Variants in XPNPEP3 observed in about 807,000 individuals in gnomAD.
The protein encoded by XPNPEP3 is X-prolyl aminopeptidase 3.
In XPNPEP3, 41 loss-of-function variants were observed where a neutral mutation model predicts 60.0. The observed-to-expected ratio is 0.68, with a 90% confidence interval of 0.53 to 0.89. The LOEUF is 0.89. XPNPEP3 is among the 40% of genes least tolerant of loss of function. The pLI, the probability that XPNPEP3 is intolerant of heterozygous loss-of-function variation, is 0.00. For synonymous variants in XPNPEP3, 212 were observed against 223.2 expected, an observed-to-expected ratio of 0.95 and a Z score of 0.45; for missense variants, 598 against 638.9, an observed-to-expected ratio of 0.94 and a Z score of 0.69.
At position 40,918,791 on chromosome 22, in the gene XPNPEP3, T is replaced by G. The variant is rs569335589; in HGVS notation, c.1056-3542T>G. On this transcript the variant is annotated intron_variant, in intron 7 of 9. Transcript: ENST00000357137. ...CTGCCAAGTTTTGGTGGGTTTTTTT[T>G]TTGTTGTTGTTGTTGTTTTATCTGA... Among the ~76,000 whole-genome samples the G allele has an allele frequency of 2.7e-3, 408 of 151,522 alleles. 2 individuals are homozygous for G. Among genetic ancestry groups the G allele is most frequent in the African/African-American group, 8.5e-3 (353 of 41,426 alleles).
At chr22:40,914,431 G>A in intron 7 of XPNPEP3, 107 bp downstream of exon 7, 2 of 931,658 alleles carry the variant, frequency 2.1e-6, no homozygotes, top group Non-Finnish European at 3.4e-6. Flanking sequence ...GTCCATTCCT[G>A]GTCAAGTTAG....
chr22:40,898,225 A>ATTTTTTTTTT lies in XPNPEP3; in HGVS notation c.793-9332_793-9323dup, dbSNP rs71200626. Among the ~76,000 whole-genome samples, 20 of 28,784 alleles carry ATTTTTTTTTT rather than the reference A, an allele frequency of 6.9e-4. 6 individuals carry two copies. Among genetic ancestry groups the ATTTTTTTTTT allele is most frequent in the African/African-American group, 1.1e-3 (7 of 6,278 alleles). 18.9% of individuals were successfully genotyped at this position (28,784 alleles called of 152,430 possible). A position where few individuals can be genotyped will look rare whatever the true frequency, so the allele number is the denominator to read the frequency against. ...TGTTTTATGTTTAGGTCTTTGACCC[A>ATTTTTTTTTT]TTTTTTTTTTTTTTTTTTTTTTTTT... On this transcript the variant is annotated intron_variant, in intron 4 of 9. Coordinates refer to ENST00000357137, the MANE Select transcript of XPNPEP3 (RefSeq NM_022098.4).
At position 40,930,053 on chromosome 22, in the gene XPNPEP3, A is replaced by C. The variant is rs747079119; in HGVS notation, c.*3618A>C. 6.6e-6 allele frequency: 1 copy of C among 151,856 alleles called. No individual in the cohort carries two copies. The allele number at this position is 151,856 out of a possible 1,614,324, so 9.4% of individuals were successfully genotyped here. A position where few individuals can be genotyped will look rare whatever the true frequency, so the allele number is the denominator to read the frequency against. Reference sequence around the variant, plus strand: ...ATAAACTTCTAAGGGTAAAAAGTGAATAAGATAAATTCAGAGTTTTAAGGT... The same window carrying C: ...ATAAACTTCTAAGGGTAAAAAGTGACTAAGATAAATTCAGAGTTTTAAGGT... On this transcript the variant is annotated 3_prime_UTR_variant, in exon 10 of 10. Coordinates refer to ENST00000357137, the MANE Select transcript of XPNPEP3 (RefSeq NM_022098.4).
At chr22:40,901,515 G>A (rs925512228) in intron 4 of XPNPEP3, among the ~76,000 whole-genome samples, 99 of 152,228 alleles carry the variant, frequency 6.5e-4, no homozygotes, top group African/African-American at 2.2e-3. Context: ...AATTACAGGC[G>A]TGAGCCACCA....
chr22:40,901,365 G>C (rs371904373), intron 4 of XPNPEP3, among the ~76,000 whole-genome samples: 15 of 150,836 alleles, frequency 9.9e-5, no homozygotes, highest in East Asian at 7.8e-4. Context: ...CTCCCAAGTA[G>C]CTGGGAATAC....
intron 1 of XPNPEP3, chr22:40,861,705 A>G: frequency 6.2e-7 from 1 of 1,614,124 alleles, no homozygotes; most frequent in Non-Finnish European, 8.5e-7. Context: ...AATTTCTTTA[A>G]AAACATCATC....
At chr22:40,922,544 A>G (rs2146280899) in intron 8 of XPNPEP3, 31 bp downstream of exon 8, 6 of 1,611,636 alleles carry the variant, frequency 3.7e-6, no homozygotes, top group Non-Finnish European at 5.1e-6. Flanking sequence ...CCAGTTCTCA[A>G]GAACACCTAG....
intron 4 of XPNPEP3, among the ~76,000 whole-genome samples, chr22:40,891,316 T>G (rs957657380): frequency 6.8e-5 from 10 of 147,100 alleles, no homozygotes; most frequent in African/African-American, 2.5e-4. Flanking sequence ...GCCACGATCA[T>G]GCCACTGCAC....
At chr22:40,885,693 T>C (rs2058065849) in intron 3 of XPNPEP3, among the ~76,000 whole-genome samples, 1 of 152,156 alleles carries the variant, frequency 6.6e-6, no homozygotes, top group Non-Finnish European at 1.5e-5. Context: ...TCTAATTGTT[T>C]AATAATGAAG....
chr22:40,900,884 G>A (rs2146264815), intron 4 of XPNPEP3, among the ~76,000 whole-genome samples: 2 of 152,214 alleles, frequency 1.3e-5, no homozygotes, highest in East Asian at 3.9e-4. Flanking sequence ...AGTGAGCCAA[G>A]ATCACAGCAC....
chr22:40,908,180 C>G (rs937233820), intron 5 of XPNPEP3, among the ~76,000 whole-genome samples: 1 of 151,264 alleles, frequency 6.6e-6, no homozygotes, highest in Non-Finnish European at 1.5e-5. Flanking sequence ...TGCCACTGCA[C>G]TGCACTCTAG....
intron 6 of XPNPEP3, among the ~76,000 whole-genome samples, chr22:40,914,036 G>A (rs983324824): frequency 1.3e-5 from 2 of 151,784 alleles, no homozygotes; most frequent in Non-Finnish European, 2.9e-5. Flanking sequence ...CCAGCTACTC[G>A]GAGGCTGAGG....
intron 4 of XPNPEP3, among the ~76,000 whole-genome samples, chr22:40,897,103 C>T (rs1555889960): frequency 7.0e-6 from 1 of 143,752 alleles, no homozygotes; most frequent in Non-Finnish European, 1.5e-5. Context: ...GCAATCTCGG[C>T]TCACTGCAGG....
chr22:40,865,529 T>C (rs1219056319), intron 1 of XPNPEP3, among the ~76,000 whole-genome samples: 1 of 151,962 alleles, frequency 6.6e-6, no homozygotes, highest in Non-Finnish European at 1.5e-5. Flanking sequence ...GGTTTCTCCA[T>C]GTTGGTCAGG....
Position 40,886,640 on chromosome 22 carries a change from A to G in XPNPEP3, c.792+125A>G, listed in dbSNP as rs2058069999. On this transcript the variant is annotated intron_variant, in intron 4 of 9. Coordinates refer to ENST00000357137, the MANE Select transcript of XPNPEP3 (RefSeq NM_022098.4). ...GGAGATCGAGACCATCCTGGCTAACATGGTGAAACCCCGTCTCTACTAAAA... is the reference window on the plus strand; with the variant it reads ...GGAGATCGAGACCATCCTGGCTAACGTGGTGAAACCCCGTCTCTACTAAAA... 6 of 840,454 alleles carry G rather than the reference A, an allele frequency of 7.1e-6. No individual in the cohort carries two copies. In the Admixed American group the frequency reaches 8.4e-5, roughly 12 times the overall value. The allele number at this position is 840,454 out of a possible 1,614,324, so 52.1% of individuals were successfully genotyped here.
rs1330148638 is a variant in XPNPEP3 at position 40,881,813 on chromosome 22, C to G, written c.225C>G (p.Arg75=). 6.2e-7 allele frequency: 1 copy of G among 1,614,098 alleles called. No individual in the cohort carries two copies. Among genetic ancestry groups the G allele is most frequent in the African/African-American group, 1.3e-5 (1 of 74,934 alleles). ...TATCTCAGGTGGAATATGCACTTCG[C>G]AGACACAAACTAATGTCTCTGATCC... ...PGLSQVEYAL[R]RHKLMSLIQK... The change falls in exon 3 of 10, where the codon CGC becomes CGG. Residue 75 remains arginine, a synonymous_variant. Coordinates refer to ENST00000357137, the MANE Select transcript of XPNPEP3 (RefSeq NM_022098.4).
At chr22:40,870,578 C>CA (rs1283130063) in intron 2 of XPNPEP3, among the ~76,000 whole-genome samples, 1 of 152,074 alleles carries the variant, frequency 6.6e-6, no homozygotes, top group East Asian at 1.9e-4. Context: ...TTTTAAACCT[C>CA]AAACTATCAG....
rs376935674 is a variant in XPNPEP3 at position 40,920,630 on chromosome 22, C to T, written c.1056-1703C>T. Among the ~76,000 whole-genome samples, 12 of 152,154 alleles carry T rather than the reference C, an allele frequency of 7.9e-5. No homozygotes were observed. The South Asian group carries it at 8.3e-4, about 11-fold the overall frequency. Reference sequence around the variant, plus strand: ...GTTAGAACTTTTCTGACCCCTTCAGCGGCAACGTTGAATCCAGAGTCTCTG... The same window carrying T: ...GTTAGAACTTTTCTGACCCCTTCAGTGGCAACGTTGAATCCAGAGTCTCTG... On this transcript the variant is annotated intron_variant, in intron 7 of 9. Coordinates refer to ENST00000357137, the MANE Select transcript of XPNPEP3 (RefSeq NM_022098.4).
chr22:40,926,365 C>T lies in XPNPEP3; in HGVS notation c.1454C>T (p.Pro485Leu), dbSNP rs1225491685. ...EDDVVVTQDS[P>L]LILSADCPKE... ...GATGTAGTGGTGACTCAGGACTCAC[C>T]TCTCATCCTTTCTGCAGACTGTCCC... is the stretch of plus-strand genomic sequence containing the variant. Residue 485 changes from proline to leucine, a missense_variant, in exon 10 of 10, where the codon CCT becomes CTT. By Grantham distance (98) the Pro-to-Leu change is moderately conservative. Coordinates refer to ENST00000357137, the MANE Select transcript of XPNPEP3 (RefSeq NM_022098.4). 6.2e-7 allele frequency: 1 copy of T among 1,614,128 alleles called. No homozygotes were observed. Among genetic ancestry groups the T allele is most frequent in the South Asian group, 1.1e-5 (1 of 91,076 alleles).
Sources: allele counts gnomAD v4.1 joint callset (sites outside exome capture counted in the v4.1 genomes callset), GRCh38; gene constraint gnomAD v4.1.1; transcripts MANE v1.5; gene names NCBI Gene and HGNC (gene_info 2026-07-23, HGNC 2026-07-21).